Variants in PRKG1 observed in about 807,000 individuals in gnomAD.
The protein encoded by PRKG1 is protein kinase cGMP-dependent 1, also known as cGMP-dependent protein kinase 1.
Under a neutral mutation model 88.1 loss-of-function variants are expected in PRKG1, and 35 were observed. The ratio of observed to expected loss-of-function variants is 0.40; its 90% confidence interval spans 0.30 to 0.53. The LOEUF is 0.53. Ranked by LOEUF, PRKG1 falls within the 20% of genes least tolerant of loss-of-function variation. PRKG1 has a pLI of 0.59. For missense variants in PRKG1, 540 were observed against 839.8 expected, an observed-to-expected ratio of 0.64 and a Z score of 4.41; for synonymous variants, 303 against 292.5, an observed-to-expected ratio of 1.04 and a Z score of -0.37.
intron 1 of PRKG1, among the ~76,000 whole-genome samples, chr10:51,038,082 A>G (rs1454630099): frequency 6.6e-6 from 1 of 152,238 alleles, no homozygotes; most frequent in Non-Finnish European, 1.5e-5. Flanking sequence ...TTGCCAGCTG[A>G]CATCAGAGAA....
At chr10:51,108,575 A>G (rs1024223052) in intron 1 of PRKG1, among the ~76,000 whole-genome samples, 1 of 152,210 alleles carries the variant, frequency 6.6e-6, no homozygotes, top group African/African-American at 2.4e-5. Flanking sequence ...GACTTAAGCC[A>G]GTACCCATTC....
chr10:51,670,416 G>C (rs1451902323), intron 3 of PRKG1, among the ~76,000 whole-genome samples: 1 of 142,510 alleles, frequency 7.0e-6, no homozygotes, highest in Admixed American at 7.0e-5. Context: ...TTTTCCTTCT[G>C]TTTCTTCTCT....
intron 2 of PRKG1, among the ~76,000 whole-genome samples, chr10:51,230,414 C>G (rs1838812567): frequency 6.6e-6 from 1 of 152,140 alleles, no homozygotes; most frequent in African/African-American, 2.4e-5. Flanking sequence ...CTTTTACTTA[C>G]TGTTGGTATT....
chr10:51,628,970 A>AC (rs1157482835), intron 3 of PRKG1, among the ~76,000 whole-genome samples: 2,230 of 82,814 alleles, frequency 0.027, 19 homozygotes, highest in Middle Eastern at 0.034. Flanking sequence ...CGTCTCAAAA[A>AC]AAAAAAAAAC....
chr10:51,092,875 C>G (rs1043332301), intron 1 of PRKG1, among the ~76,000 whole-genome samples: 1 of 152,072 alleles, frequency 6.6e-6, no homozygotes, highest in Admixed American at 6.5e-5. Context: ...CAAAAGTGAG[C>G]AATGTTTGTG....
At chr10:52,275,115 C>A (rs1367602291) in intron 12 of PRKG1, among the ~76,000 whole-genome samples, 2 of 152,188 alleles carry the variant, frequency 1.3e-5, no homozygotes, top group African/African-American at 4.8e-5. Context: ...TGAAGACTTT[C>A]TCCCACTCTG....
intron 3 of PRKG1, among the ~76,000 whole-genome samples, chr10:51,794,785 A>G (rs1391199332): frequency 6.6e-6 from 1 of 152,076 alleles, no homozygotes; most frequent in Non-Finnish European, 1.5e-5. Context: ...AAAAAAATAG[A>G]AAGTAAAACA....
intron 8 of PRKG1, among the ~76,000 whole-genome samples, chr10:52,157,062 ATC>A (rs1838128924): frequency 6.6e-6 from 1 of 151,384 alleles, no homozygotes; most frequent in South Asian, 2.1e-4. Flanking sequence ...AAAAGAAAAA[ATC>A]TGTTTTGAAT....
chr10:51,540,969 G>A (rs1842285661), intron 3 of PRKG1, among the ~76,000 whole-genome samples: 1 of 151,974 alleles, frequency 6.6e-6, no homozygotes, highest in African/African-American at 2.4e-5. Flanking sequence ...CATCCACCTG[G>A]GCCTCCCAAA....
intron 7 of PRKG1, among the ~76,000 whole-genome samples, chr10:52,131,370 C>T (rs928097858): frequency 6.6e-6 from 1 of 151,900 alleles, no homozygotes; most frequent in African/African-American, 2.4e-5. Context: ...TGTAGGGCTA[C>T]GAGAACAGAT....
In PRKG1 at chr10:52,269,817, C is replaced by G. The variant is rs188221048; in HGVS notation, c.1174-1533C>G. ...CCTCTCTTGTTTTTGTTACAAGTCA[C>G]CTTCTTGAAATTTCTTGTAAAACCA... On this transcript the variant is annotated intron_variant, in intron 10 of 17. Transcript: ENST00000373980. 1.6e-4 allele frequency among the ~76,000 whole-genome samples: 25 copies of G among 152,148 alleles called. No individual in the cohort carries two copies. In the East Asian group the frequency reaches 4.7e-3, roughly 28 times the overall value.
At chr10:51,739,051 C>T (rs1469062947) in intron 3 of PRKG1, among the ~76,000 whole-genome samples, 2 of 152,092 alleles carry the variant, frequency 1.3e-5, no homozygotes, top group African/African-American at 4.8e-5. Context: ...ATATTGCTGT[C>T]CTGAAATACT....
intron 16 of PRKG1, among the ~76,000 whole-genome samples, chr10:52,289,954 G>A (rs1167604585): frequency 6.6e-6 from 1 of 152,100 alleles, no homozygotes; most frequent in Non-Finnish European, 1.5e-5. Context: ...TTATAGTGTA[G>A]GAACAAGGTC....
intron 8 of PRKG1, among the ~76,000 whole-genome samples, chr10:52,136,261 G>A (rs1564484849): frequency 6.6e-6 from 1 of 152,028 alleles, no homozygotes; most frequent in African/African-American, 2.4e-5. Flanking sequence ...GACCCCAGGG[G>A]AGAAAATAGT....
chr10:51,846,417 A>G (rs1434624026), intron 4 of PRKG1, among the ~76,000 whole-genome samples: 1 of 152,198 alleles, frequency 6.6e-6, no homozygotes, highest in African/African-American at 2.4e-5. Context: ...CTCAACTGCT[A>G]TATTGATCAT....
intron 3 of PRKG1, among the ~76,000 whole-genome samples, chr10:51,679,256 G>C (rs532874771): frequency 2.6e-5 from 4 of 152,076 alleles, no homozygotes; most frequent in East Asian, 1.9e-4. Flanking sequence ...TTACACTCAG[G>C]GTTCCTAAGA....
chr10:51,792,222 T>C lies in PRKG1; in HGVS notation c.593-12363T>C, dbSNP rs527851204. On this transcript the variant is annotated intron_variant, in intron 3 of 17. Transcript: ENST00000373980. Reference sequence around the variant, plus strand: ...CTTGTAGCATTTTTATCTTCATAACTCTATTATTATCTGTGGGCTTCTTGA... The same window carrying C: ...CTTGTAGCATTTTTATCTTCATAACCCTATTATTATCTGTGGGCTTCTTGA... 2.6e-5 allele frequency among the ~76,000 whole-genome samples: 4 copies of C among 152,238 alleles called. No individual in the cohort carries two copies. The East Asian group carries it at 7.8e-4, about 30-fold the overall frequency.
chr10:51,460,407 A>G (rs1483595612), intron 2 of PRKG1, among the ~76,000 whole-genome samples: 2 of 152,184 alleles, frequency 1.3e-5, no homozygotes, highest in Non-Finnish European at 2.9e-5. Context: ...TAGAAAAAAC[A>G]ATAGAGCAAG....
At chr10:51,875,341 T>G (rs1841268700) in intron 4 of PRKG1, among the ~76,000 whole-genome samples, 2 of 151,976 alleles carry the variant, frequency 1.3e-5, no homozygotes. Flanking sequence ...ATGAGAATCT[T>G]AATAGACCAA....
Sources: allele counts gnomAD v4.1 joint callset (sites outside exome capture counted in the v4.1 genomes callset), GRCh38; gene constraint gnomAD v4.1.1; transcripts MANE v1.5; gene names NCBI Gene and HGNC (gene_info 2026-07-23, HGNC 2026-07-21).